Variants in ATG10 observed in about 807,000 individuals in gnomAD.
ATG10 encodes autophagy related 10, also known as ubiquitin-like-conjugating enzyme ATG10.
Under a neutral mutation model 32.1 loss-of-function variants are expected in ATG10, and 30 were observed. The observed-to-expected ratio is 0.94, with a 90% CI of 0.70 to 1.27. The LOEUF is 1.27. Among genes scored for constraint, ATG10 ranks in the 50% most tolerant of loss-of-function variants. ATG10 has a pLI of 0.00. For missense variants in ATG10, 233 were observed against 262.3 expected (o/e 0.89, Z 0.77); for synonymous variants, 87 against 91.5 (o/e 0.95, Z 0.28).
intron 4 of ATG10, among the ~76,000 whole-genome samples, chr5:82,178,144 T>C: frequency 6.6e-6 from 1 of 152,204 alleles, no homozygotes; most frequent in East Asian, 1.9e-4. Context: ...GTATTCATGG[T>C]GCACCTTTAT....
intron 1 of ATG10, among the ~76,000 whole-genome samples, chr5:81,985,885 C>T (rs566044909): frequency 1.6e-4 from 25 of 152,318 alleles, no homozygotes; most frequent in African/African-American, 5.5e-4. Context: ...GCCTCAGCCT[C>T]TCGAGTAGCT....
intron 3 of ATG10, among the ~76,000 whole-genome samples, chr5:82,133,882 C>T (rs1004683666): frequency 6.6e-6 from 1 of 151,788 alleles, no homozygotes; most frequent in African/African-American, 2.4e-5. Context: ...TGTTCGTGTC[C>T]TCTCTTATTT....
intron 3 of ATG10, among the ~76,000 whole-genome samples, chr5:82,141,316 G>A (rs1484357374): frequency 1.3e-5 from 2 of 151,584 alleles, no homozygotes; most frequent in Non-Finnish European, 2.9e-5. Context: ...AGCCTATCAT[G>A]TTTTAAAGGA....
intron 2 of ATG10, among the ~76,000 whole-genome samples, chr5:82,011,885 A>G: frequency 6.6e-6 from 1 of 152,102 alleles, no homozygotes; most frequent in East Asian, 1.9e-4. Flanking sequence ...GTAGTTTCTC[A>G]AGCTTCTCTG....
At chr5:82,242,124 A>G (rs947832556) in intron 5 of ATG10, among the ~76,000 whole-genome samples, 3 of 152,172 alleles carry the variant, frequency 2.0e-5, no homozygotes, top group Admixed American at 6.6e-5. Flanking sequence ...GTGCAAAAAT[A>G]TAAATATATT....
At chr5:82,182,188 C>T (rs1000609227) in intron 5 of ATG10, among the ~76,000 whole-genome samples, 1 of 152,042 alleles carries the variant, frequency 6.6e-6, no homozygotes, top group Non-Finnish European at 1.5e-5. Context: ...GTATAGTGGT[C>T]AGATAAGTAA....
intron 3 of ATG10, among the ~76,000 whole-genome samples, chr5:82,084,310 C>A (rs1247010912): frequency 6.6e-6 from 1 of 152,152 alleles, no homozygotes; most frequent in African/African-American, 2.4e-5. Flanking sequence ...CAAACAAAGC[C>A]TCCAAGAAAT....
chr5:82,128,353 C>T (rs1024269104), intron 3 of ATG10, among the ~76,000 whole-genome samples: 10 of 151,812 alleles, frequency 6.6e-5, no homozygotes, highest in South Asian at 2.1e-4. Context: ...GTTATTTTGC[C>T]AGTTAGTTAA....
chr5:82,246,625 T>G (rs1747048370), intron 5 of ATG10, among the ~76,000 whole-genome samples: 1 of 152,118 alleles, frequency 6.6e-6, no homozygotes, highest in South Asian at 2.1e-4. Flanking sequence ...GTACCATTAT[T>G]GTCATGTATG....
At chr5:82,150,016 A>T (rs1002436487) in intron 3 of ATG10, among the ~76,000 whole-genome samples, 1 of 145,676 alleles carries the variant, frequency 6.9e-6, no homozygotes, top group Non-Finnish European at 1.5e-5. Context: ...TCCATTAAAA[A>T]AAGTTAAATT....
intron 5 of ATG10, among the ~76,000 whole-genome samples, chr5:82,198,170 A>G (rs181244275): frequency 1.2e-4 from 19 of 152,308 alleles, no homozygotes; most frequent in Admixed American, 9.8e-4. Context: ...AGACATTCTT[A>G]CTAAATAATA....
At chr5:82,088,945 T>C (rs1764786262) in intron 3 of ATG10, among the ~76,000 whole-genome samples, 1 of 152,184 alleles carries the variant, frequency 6.6e-6, no homozygotes, top group African/African-American at 2.4e-5. Flanking sequence ...CTAAAATTTA[T>C]ATGAAAAGGC....
At position 82,070,256 on chromosome 5, in the gene ATG10, ATCTCG is replaced by A. The variant is rs549365823; in HGVS notation, c.216+11659_216+11663del. ...AGGGTACAACAGCCTGGCAGACTAA[ATCTCG>A]TCTCTATGCTCCAATTGCTCAACTT... On this transcript the variant is annotated intron_variant, in intron 3 of 7. Coordinates refer to ENST00000282185, the MANE Select transcript of ATG10 (RefSeq NM_031482.5). Among the ~76,000 whole-genome samples, 820 of 152,302 alleles carry A rather than the reference ATCTCG, an allele frequency of 5.4e-3. 3 individuals carry two copies. Among genetic ancestry groups the A allele is most frequent in the Non-Finnish European group, 9.1e-3 (621 of 68,016 alleles).
chr5:82,101,727 T>C (rs995703159), intron 3 of ATG10, among the ~76,000 whole-genome samples: 5 of 152,232 alleles, frequency 3.3e-5, no homozygotes, highest in Non-Finnish European at 4.4e-5. Flanking sequence ...CAAAAGCAGC[T>C]GGTAAATTGC....
intron 1 of ATG10, among the ~76,000 whole-genome samples, chr5:81,986,434 A>G (rs1761275321): frequency 6.6e-6 from 1 of 152,126 alleles, no homozygotes; most frequent in South Asian, 2.1e-4. Flanking sequence ...TTAGAATATG[A>G]GCTCTTACAA....
intron 4 of ATG10, 65 bp from the exon 5 acceptor site, chr5:82,178,425 A>T: frequency 1.0e-6 from 1 of 960,026 alleles, no homozygotes; most frequent in South Asian, 1.3e-5. Flanking sequence ...GGAGTTTTAG[A>T]TTGACACCAA....
intron 1 of ATG10, among the ~76,000 whole-genome samples, chr5:81,974,494 A>G (rs1760814950): frequency 6.6e-6 from 1 of 152,234 alleles, no homozygotes; most frequent in African/African-American, 2.4e-5. Context: ...TATCACTGTC[A>G]TGTAACATCT....
chr5:82,073,785 A>G (rs1017590344), intron 3 of ATG10: 1 of 152,228 alleles, frequency 6.6e-6, no homozygotes, highest in Non-Finnish European at 1.5e-5. Context: ...GAAAGATGTC[A>G]TTACAATCCC....
chr5:82,245,536 T>G (rs1746992386), intron 5 of ATG10, among the ~76,000 whole-genome samples: 2 of 152,242 alleles, frequency 1.3e-5, no homozygotes, highest in African/African-American at 4.8e-5. Context: ...CATTAAGATC[T>G]CCACAAGATT....
Sources: gnomAD v4.1 joint callset for allele counts (sites outside exome capture counted in the v4.1 genomes callset) on GRCh38, gnomAD v4.1.1 for gene constraint, MANE v1.5 for transcripts, NCBI Gene and HGNC (gene_info 2026-07-23, HGNC 2026-07-21) for gene names.